The following AWAT1 variants were observed in gnomAD, a reference collection of about 807,000 sequenced individuals.
AWAT1 encodes the protein acyl-CoA wax alcohol acyltransferase 1, also known as diacyl-glycerol acyltransferase 2.
Under a neutral mutation model 21.6 loss-of-function variants are expected in AWAT1, and 26 were observed. That is an observed-to-expected ratio of 1.20 (90% CI 0.88 to 1.67). AWAT1 has a LOEUF of 1.67. Among genes scored for constraint, AWAT1 ranks in the 40% most tolerant of loss-of-function variants. AWAT1 has a pLI of 0.00. For synonymous variants in AWAT1, 102 were observed against 99.3 expected (o/e 1.03, Z -0.16); for missense variants, 264 against 249.4 (o/e 1.06, Z -0.39).
Position 70,240,306 on chromosome X carries a change from G to C in AWAT1, c.*16G>C. 2 of 1,204,546 alleles carry C rather than the reference G, an allele frequency of 1.7e-6. No homozygotes were observed. Among genetic ancestry groups the C allele is most frequent in the Non-Finnish European group, 2.2e-6 (2 of 891,022 alleles). Reference sequence around the variant, plus strand: ...TTTCCTGTGAATGAAGGTACTGCATGCCCAGGAGCACAGGAGTGCCTGCCT... The same window carrying C: ...TTTCCTGTGAATGAAGGTACTGCATCCCCAGGAGCACAGGAGTGCCTGCCT... On this transcript the variant is annotated 3_prime_UTR_variant, in exon 7 of 7. Transcript: ENST00000374521.
rs774240922 is a variant in AWAT1 at position 70,238,394 on chromosome X, C to G, written c.632+11C>G. 9.3e-5 allele frequency: 109 copies of G among 1,172,909 alleles called. 1 individual carries two copies. The South Asian group carries it at 1.9e-3, about 21-fold the overall frequency. Reference sequence around the variant, plus strand: ...AGCCCTCCAGCATGGGTAGGTGTTCCCCACAGAGGGGCAGTGCATGGTGTT... The same window carrying G: ...AGCCCTCCAGCATGGGTAGGTGTTCGCCACAGAGGGGCAGTGCATGGTGTT... On this transcript the variant is annotated intron_variant, in intron 5 of 6. Coordinates refer to ENST00000374521, the MANE Select transcript of AWAT1 (RefSeq NM_001013579.3).
intron 5 of AWAT1, among the ~76,000 whole-genome samples, chrX:70,238,927 T>G (rs907825421): frequency 2.7e-5 from 3 of 112,789 alleles, no homozygotes; most frequent in Non-Finnish European, 5.6e-5. Context: ...AATGTTAGTA[T>G]TTGTGATTTA....
chrX:70,235,496 G>T, intron 1 of AWAT1, among the ~76,000 whole-genome samples: 1 of 110,985 alleles, frequency 9.0e-6, no homozygotes, highest in Non-Finnish European at 1.9e-5. Context: ...CAGGGAAGCA[G>T]GTGGACAGGG....
Position 70,236,050 on chromosome X carries a change from ACTT to A in AWAT1, c.185-12_185-10del, listed in dbSNP as rs750082950. 333 of 1,191,747 alleles carry A rather than the reference ACTT, an allele frequency of 2.8e-4. No homozygotes were observed. Among genetic ancestry groups the A allele is most frequent in the Admixed American group, 8.8e-4 (40 of 45,626 alleles). ...ATGGCACACACTGACATCATCCCCTACTTCTTCTTTTGCCTCAGGTGGCAGGCG... is the reference window on the plus strand; with the variant it reads ...ATGGCACACACTGACATCATCCCCTACTTCTTTTGCCTCAGGTGGCAGGCG... On this transcript the variant is annotated splice_polypyrimidine_tract_variant and intron_variant, in intron 2 of 6. Transcript: ENST00000374521.
chrX:70,238,102 C>A (rs922439060), intron 4 of AWAT1, 110 bp from the exon 5 acceptor site: 22 of 760,154 alleles, frequency 2.9e-5, no homozygotes, highest in Admixed American at 2.8e-4. Flanking sequence ...CATCTCATTG[C>A]TCCTCTCCTC....
chrX:70,237,706 C>T (rs1049718997), intron 4 of AWAT1, among the ~76,000 whole-genome samples: 1 of 106,845 alleles, frequency 9.4e-6, no homozygotes, highest in Non-Finnish European at 1.9e-5. Flanking sequence ...GTGGTGGGCA[C>T]CTGTAATCCC....
intron 4 of AWAT1, among the ~76,000 whole-genome samples, chrX:70,237,639 C>G (rs961187530): frequency 2.8e-5 from 3 of 108,548 alleles, no homozygotes; most frequent in Admixed American, 9.9e-5. Flanking sequence ...CGAGACCAGC[C>G]TAGCCAACAT....
rs1289439335 is a variant in AWAT1, at chrX:70,240,287, G to A, written c.984G>A (p.Leu328=). The change falls in exon 7 of 7, where the codon CTG becomes CTA. Residue 328 remains leucine (L), a synonymous_variant. Coordinates refer to ENST00000374521, the MANE Select transcript of AWAT1 (RefSeq NM_001013579.3). ...GCSETQKLFF[L] ...CAGAGACCCAAAAGCTGTTTTTCCT[G>A]TGAATGAAGGTACTGCATGCCCAGG... The A allele has an allele frequency of 8.3e-7, 1 of 1,209,435 alleles. No homozygotes were observed. Among genetic ancestry groups the A allele is most frequent in the East Asian group, 3.0e-5 (1 of 33,848 alleles).
chrX:70,236,147 T>C lies in AWAT1; in HGVS notation c.255+8T>C, dbSNP rs756086018. On this transcript the variant is annotated splice_region_variant and intron_variant, in intron 3 of 6. Coordinates refer to ENST00000374521, the MANE Select transcript of AWAT1 (RefSeq NM_001013579.3). Reference sequence around the variant, plus strand: ...GACTATTTCCCCATTACGGTAAGTATCTCTTCCCCAGTGTCCTCAGAGTTC... The same window carrying C: ...GACTATTTCCCCATTACGGTAAGTACCTCTTCCCCAGTGTCCTCAGAGTTC... 1 of 1,197,868 alleles carries C rather than the reference T, an allele frequency of 8.3e-7. No homozygotes were observed. Among genetic ancestry groups the C allele is most frequent in the Admixed American group, 2.2e-5 (1 of 46,032 alleles).
At chrX:70,239,199 C>T (rs1034367041) in intron 5 of AWAT1, among the ~76,000 whole-genome samples, 8 of 112,402 alleles carry the variant, frequency 7.1e-5, no homozygotes, top group Non-Finnish European at 1.5e-4. Flanking sequence ...TTCTGCATCC[C>T]CCACTGTGCC....
chrX:70,235,178 G>C (rs2085509327), intron 1 of AWAT1, among the ~76,000 whole-genome samples: 1 of 111,141 alleles, frequency 9.0e-6, no homozygotes, highest in Admixed American at 9.6e-5. Context: ...GAACCATAGA[G>C]TTGTCTATTC....
intron 3 of AWAT1, among the ~76,000 whole-genome samples, chrX:70,236,842 C>A (rs1370398666): frequency 8.9e-6 from 1 of 111,975 alleles, no homozygotes; most frequent in African/African-American, 3.3e-5. Flanking sequence ...GGCAGGAGAT[C>A]TGGCAGTTCT....
chrX:70,236,985 CT>C, intron 3 of AWAT1, 58 bp from the exon 4 acceptor site: 1 of 1,051,364 alleles, frequency 9.5e-7, no homozygotes, highest in Admixed American at 2.6e-5. Context: ...TATCACCACC[CT>C]TGTTTCTGCC....
In AWAT1 at chrX:70,235,701, C is replaced by T. The variant is rs774779136; in HGVS notation, c.77-15C>T. 2 of 1,193,958 alleles carry T rather than the reference C, an allele frequency of 1.7e-6. No individual in the cohort carries two copies. The highest frequency in any genetic ancestry group is 2.3e-6 in the Non-Finnish European group (2 of 879,618). On this transcript the variant is annotated splice_polypyrimidine_tract_variant and intron_variant, in intron 1 of 6. Coordinates refer to ENST00000374521, the MANE Select transcript of AWAT1 (RefSeq NM_001013579.3). Reference sequence around the variant, plus strand: ...GCTGGCAGCACAAATTTGGTCTAACCTGGTCCCTCATCAGTTTGGATCTTG... The same window carrying T: ...GCTGGCAGCACAAATTTGGTCTAACTTGGTCCCTCATCAGTTTGGATCTTG...
chrX:70,236,228 T>A, intron 3 of AWAT1, 89 bp downstream of exon 3: 1 of 759,175 alleles, frequency 1.3e-6, no homozygotes, highest in Non-Finnish European at 2.0e-6. Context: ...ATAAGGAAGA[T>A]AAGTATCCCA....
intron 1 of AWAT1, 78 bp downstream of exon 1, chrX:70,234,849 C>A: frequency 5.7e-6 from 5 of 883,152 alleles, no homozygotes; most frequent in Non-Finnish European, 8.2e-6. Context: ...CTTTTAGGGC[C>A]ATGTGAAGTC....
At position 70,240,368 on chromosome X, in the gene AWAT1, G is replaced by A. The variant is rs755061995; in HGVS notation, c.*78G>A. The A allele has an allele frequency of 7.5e-6, 8 of 1,066,328 alleles. No individual in the cohort carries two copies. The African/African-American group carries it at 1.5e-4, about 20-fold the overall frequency. 87.9% of individuals were successfully genotyped at this position (1,066,328 alleles called of 1,213,427 possible). On this transcript the variant is annotated 3_prime_UTR_variant, in exon 7 of 7. Coordinates refer to ENST00000374521, the MANE Select transcript of AWAT1 (RefSeq NM_001013579.3). ...CTCATCTGCCACTAACCAAAGACAG[G>A]CAGGAGATGAGGGAGGTTATATGTG... is the stretch of plus-strand genomic sequence containing the variant.
At chrX:70,239,586 A>G in intron 5 of AWAT1, 149 bp from the exon 6 acceptor site, 1 of 501,903 alleles carries the variant, frequency 2.0e-6, no homozygotes, top group Non-Finnish European at 3.4e-6. Flanking sequence ...GACATTAAAT[A>G]GGGAAACCCT....
intron 2 of AWAT1, 116 bp from the exon 3 acceptor site, chrX:70,235,953 T>C (rs2085512812): frequency 1.1e-6 from 1 of 901,294 alleles, no homozygotes; most frequent in Admixed American, 2.3e-5. Context: ...AGGACCATCC[T>C]AGGGTCTCCT....
Sources: allele counts gnomAD v4.1 joint callset (sites outside exome capture counted in the v4.1 genomes callset), GRCh38; gene constraint gnomAD v4.1.1; transcripts MANE v1.5; gene names NCBI Gene and HGNC (gene_info 2026-07-23, HGNC 2026-07-21).